UBAC2: variants seen among roughly 807,000 people sequenced by gnomAD.
UBAC2 encodes ubiquitin-associated domain-containing protein 2.
Under a neutral mutation model 44.0 loss-of-function variants are expected in UBAC2, and 26 were observed. The observed-to-expected ratio is 0.59, with a 90% CI of 0.43 to 0.82. The LOEUF (loss-of-function observed/expected upper bound fraction) is 0.82. Ranked by LOEUF, UBAC2 falls within the 40% of genes least tolerant of loss-of-function variation. The probability of loss-of-function intolerance (pLI) is 0.00; values close to 1 mark genes in which losing one functional copy is unlikely to be tolerated. For missense variants in UBAC2, 329 were observed against 419.4 expected (o/e 0.78, Z 1.88); for synonymous variants, 155 against 154.3 (o/e 1.00, Z -0.04).
chr13:99,383,347 G>T (rs569629941), intron 8 of UBAC2, among the ~76,000 whole-genome samples: 5 of 45,208 alleles, frequency 1.1e-4, no homozygotes, highest in Admixed American at 5.0e-4. Flanking sequence ...TCATTTTCCA[G>T]CCAACCAAAT....
At chr13:99,215,294 T>G (rs1012202047) in intron 1 of UBAC2, 2 of 746,592 alleles carry the variant, frequency 2.7e-6, no homozygotes, top group Admixed American at 3.9e-5. Flanking sequence ...CACAGAAATA[T>G]AGTCCACTGG....
intron 2 of UBAC2, among the ~76,000 whole-genome samples, chr13:99,242,766 C>G (rs868633808): frequency 3.9e-4 from 57 of 145,038 alleles, no homozygotes; most frequent in African/African-American, 1.2e-3. Flanking sequence ...GGGTGGCTGC[C>G]GGGCGGAGAC....
chr13:99,225,362 G>A (rs1366940587), intron 1 of UBAC2, among the ~76,000 whole-genome samples: 1 of 152,052 alleles, frequency 6.6e-6, no homozygotes, highest in African/African-American at 2.4e-5. Flanking sequence ...CTGCCTCTGT[G>A]AATTTTACTA....
intron 1 of UBAC2, among the ~76,000 whole-genome samples, chr13:99,216,834 C>CTTTTTTTTTTTTTTTTTTTTTTTT (rs11338165): frequency 1.4e-5 from 2 of 140,622 alleles, no homozygotes; most frequent in African/African-American, 5.3e-5. Context: ...TTTCTTTTTT[C>CTTTTTTTTTTTTTTTTTTTTTTTT]TTTTTTTTTT....
chr13:99,314,260 A>T (rs118168446), intron 5 of UBAC2, 40 bp downstream of exon 5: 19,713 of 1,244,646 alleles, frequency 0.016, 163 homozygotes, highest in Non-Finnish European at 0.019. Context: ...CTTTAACCAG[A>T]TCTTTTTTTT....
rs11841085 is a variant in UBAC2, at chr13:99,357,643, A to G, written c.808-10144A>G. ...AGGAGCTGCCATTTGTGGTTTCACC[A>G]GTTTCCCAGCATTGCTTCTTTGTAA... On this transcript the variant is annotated intron_variant, in intron 7 of 8. Coordinates refer to ENST00000403766, the MANE Select transcript of UBAC2 (RefSeq NM_001144072.2). Among the ~76,000 whole-genome samples, 574 of 152,376 alleles carry G rather than the reference A, an allele frequency of 3.8e-3. 6 individuals are homozygous for G. The highest frequency in any genetic ancestry group is 0.01 in the South Asian group (50 of 4,826).
At chr13:99,302,934 T>C (rs2044277999) in intron 4 of UBAC2, among the ~76,000 whole-genome samples, 2 of 152,240 alleles carry the variant, frequency 1.3e-5, no homozygotes, top group Admixed American at 1.3e-4. Flanking sequence ...ATGTCCATGA[T>C]TCATTTTTTA....
At chr13:99,260,828 G>T (rs888974899) in intron 4 of UBAC2, among the ~76,000 whole-genome samples, 11 of 152,108 alleles carry the variant, frequency 7.2e-5, no homozygotes, top group Admixed American at 3.9e-4. Flanking sequence ...GCAAAAGAGG[G>T]ATTTTACTTA....
rs370935252 is a variant in UBAC2 at position 99,253,519 on chromosome 13, T to C, written c.389+8895T>C. On this transcript the variant is annotated intron_variant, in intron 4 of 8. Transcript: ENST00000403766. ...ACCTATGTTATTTCCAGAAATTAAT[T>C]TCTTTTTTTTTTGAGACGGAGTCTC... 1.9e-4 allele frequency among the ~76,000 whole-genome samples: 29 copies of C among 152,318 alleles called. No homozygotes were observed. The East Asian group carries it at 3.9e-3, about 20-fold the overall frequency.
chr13:99,216,706 C>G (rs1385119385), intron 1 of UBAC2, among the ~76,000 whole-genome samples: 1 of 151,898 alleles, frequency 6.6e-6, no homozygotes, highest in Non-Finnish European at 1.5e-5. Flanking sequence ...TTTGAGGGTT[C>G]TTTTATTTTG....
intron 4 of UBAC2, among the ~76,000 whole-genome samples, chr13:99,250,494 C>G (rs1189367904): frequency 6.6e-6 from 1 of 152,090 alleles, no homozygotes; most frequent in East Asian, 1.9e-4. Flanking sequence ...AATGTGATGC[C>G]TCTGGCTTTG....
At chr13:99,287,846 C>G (rs2044039960) in intron 4 of UBAC2, among the ~76,000 whole-genome samples, 2 of 152,010 alleles carry the variant, frequency 1.3e-5, no homozygotes, top group South Asian at 4.2e-4. Flanking sequence ...TGCCCTTGCT[C>G]CCTTACTGGG....
intron 4 of UBAC2, among the ~76,000 whole-genome samples, chr13:99,287,487 CG>C (rs2044032746): frequency 6.6e-6 from 1 of 151,844 alleles, no homozygotes; most frequent in South Asian, 2.1e-4. Flanking sequence ...TGCAGTGGCA[CG>C]ATCATGACTA....
chr13:99,373,050 G>A (rs560579799), intron 8 of UBAC2, among the ~76,000 whole-genome samples: 9 of 152,134 alleles, frequency 5.9e-5, no homozygotes, highest in Admixed American at 6.5e-5. Context: ...GAACCCGAGA[G>A]GCAGAGCTTG....
At chr13:99,309,758 G>A (rs1416362099) in intron 4 of UBAC2, among the ~76,000 whole-genome samples, 11 of 151,856 alleles carry the variant, frequency 7.2e-5, no homozygotes, top group Admixed American at 2.0e-4. Flanking sequence ...ATGCCACCAC[G>A]CCCAGCTAAT....
intron 4 of UBAC2, among the ~76,000 whole-genome samples, chr13:99,289,934 C>G (rs1271546863): frequency 6.6e-6 from 1 of 152,184 alleles, no homozygotes; most frequent in African/African-American, 2.4e-5. Flanking sequence ...GAGGTAGTCA[C>G]CTGCTCTTCC....
chr13:99,259,746 T>G (rs2043629962), intron 4 of UBAC2, among the ~76,000 whole-genome samples: 1 of 152,268 alleles, frequency 6.6e-6, no homozygotes, highest in South Asian at 2.1e-4. Flanking sequence ...TAATCTGTCC[T>G]TTGCCTTATT....
intron 1 of UBAC2, among the ~76,000 whole-genome samples, chr13:99,210,635 G>A (rs893784163): frequency 2.4e-4 from 36 of 151,788 alleles, no homozygotes; most frequent in South Asian, 1.0e-3. Context: ...GCACCACCAC[G>A]TCCGGCTAAT....
chr13:99,290,042 A>G lies in UBAC2; in HGVS notation c.390-24055A>G, dbSNP rs529094209. On this transcript the variant is annotated intron_variant, in intron 4 of 8. Transcript: ENST00000403766. ...GAACATATCTGTTTATTTGTTTAAG[A>G]GAGAAAATACGATGATGAAGAGTGC... Among the ~76,000 whole-genome samples the G allele has an allele frequency of 7.4e-4, 113 of 152,294 alleles. 1 individual carries two copies. The highest frequency in any genetic ancestry group is 1.5e-3 in the Non-Finnish European group (100 of 68,040).
Sources: gnomAD v4.1 joint callset for allele counts (sites outside exome capture counted in the v4.1 genomes callset) on GRCh38, gnomAD v4.1.1 for gene constraint, MANE v1.5 for transcripts, NCBI Gene and HGNC (gene_info 2026-07-23, HGNC 2026-07-21) for gene names.